NUP93: variants seen among roughly 807,000 people sequenced by gnomAD.
NUP93 encodes the protein nuclear pore complex protein Nup93.
Under a neutral mutation model 107.8 loss-of-function variants are expected in NUP93, and 55 were observed. The observed-to-expected ratio is 0.51, with a 90% CI of 0.41 to 0.64. The LOEUF is 0.64. NUP93 is among the 30% of genes least tolerant of loss of function. The pLI, the probability that NUP93 is intolerant of heterozygous loss-of-function variation, is 0.00. For synonymous variants in NUP93, 390 were observed against 397.5 expected, an observed-to-expected ratio of 0.98 and a Z score of 0.22; for missense variants, 937 against 1,044.7, an observed-to-expected ratio of 0.90 and a Z score of 1.42.
chr16:56,776,541 G>T (rs1459501236), intron 3 of NUP93, among the ~76,000 whole-genome samples: 1 of 152,116 alleles, frequency 6.6e-6, no homozygotes, highest in Admixed American at 6.5e-5. Context: ...CAGCTTCCCT[G>T]CTGAATTTAA....
rs1240831647 is a variant in NUP93 at position 56,833,323 on chromosome 16, T to C, written c.1454T>C (p.Leu485Pro). 4 of 1,607,342 alleles carry C rather than the reference T, an allele frequency of 2.5e-6. No individual in the cohort carries two copies. Among genetic ancestry groups the C allele is most frequent in the Non-Finnish European group, 2.5e-6 (3 of 1,177,730 alleles). ...AVAFLFRMER[L>P]RCHAVHVALV... Reference sequence around the variant, plus strand: ...GCCTTTCTTTTCCGCATGGAGCGGCTGCGCTGCCATGCTGTCCATGTAGCA... The same window carrying C: ...GCCTTTCTTTTCCGCATGGAGCGGCCGCGCTGCCATGCTGTCCATGTAGCA... The change falls in exon 13 of 22, where the codon CTG becomes CCG. Residue 485 changes from leucine to proline, a missense_variant. Coordinates refer to ENST00000308159, the MANE Select transcript of NUP93 (RefSeq NM_014669.5).
intron 2 of NUP93, among the ~76,000 whole-genome samples, chr16:56,749,514 C>G (rs1169076098): frequency 6.6e-6 from 1 of 152,190 alleles, no homozygotes; most frequent in Non-Finnish European, 1.5e-5. Flanking sequence ...CGGAAAGACA[C>G]TGAGATTCTG....
intron 3 of NUP93, among the ~76,000 whole-genome samples, chr16:56,770,339 A>G (rs1392706175): frequency 3.3e-5 from 5 of 152,190 alleles, no homozygotes; most frequent in Non-Finnish European, 7.4e-5. Context: ...AGAAGTCATC[A>G]TTGGTCACAA....
chr16:56,777,260 T>G (rs1335268865), intron 3 of NUP93, among the ~76,000 whole-genome samples: 4 of 152,204 alleles, frequency 2.6e-5, no homozygotes, highest in African/African-American at 4.8e-5. Context: ...AAATCTTACT[T>G]CTGAAATTTC....
chr16:56,730,470 C>G (rs1191086824), intron 1 of NUP93, among the ~76,000 whole-genome samples: 1 of 152,120 alleles, frequency 6.6e-6, no homozygotes, highest in East Asian at 1.9e-4. Context: ...CCTCCCGACT[C>G]CCCCTTCCCC....
At chr16:56,779,749 T>TA (rs1426655950) in intron 3 of NUP93, among the ~76,000 whole-genome samples, 1 of 152,192 alleles carries the variant, frequency 6.6e-6, no homozygotes, top group Non-Finnish European at 1.5e-5. Context: ...CATAAAGAAA[T>TA]ACCCTCTTAA....
At chr16:56,842,557 T>TC in intron 21 of NUP93, 2 of 86,486 alleles carry the variant, frequency 2.3e-5, no homozygotes, top group East Asian at 2.6e-3. Context: ...GGTGTTTGCT[T>TC]TTTTTTTTTT....
intron 20 of NUP93, 70 bp from the exon 21 acceptor site, chr16:56,841,635 C>T (rs1302196936): frequency 1.9e-6 from 3 of 1,578,596 alleles, no homozygotes; most frequent in East Asian, 4.5e-5. Context: ...AGCAGCCCAC[C>T]CTCCCTCCAT....
At chr16:56,786,349 T>G (rs1447298158) in intron 3 of NUP93, among the ~76,000 whole-genome samples, 1 of 152,198 alleles carries the variant, frequency 6.6e-6, no homozygotes, top group Non-Finnish European at 1.5e-5. Context: ...AGGTCATACA[T>G]CTGGAAAGCA....
chr16:56,824,399 C>T (rs1963614870), intron 8 of NUP93, among the ~76,000 whole-genome samples: 1 of 152,224 alleles, frequency 6.6e-6, no homozygotes, highest in African/African-American at 2.4e-5. Context: ...GGGTTTGTGG[C>T]AGTGCCTTTG....
intron 3 of NUP93, among the ~76,000 whole-genome samples, chr16:56,789,444 C>T (rs549014837): frequency 7.5e-4 from 114 of 152,320 alleles, no homozygotes; most frequent in Middle Eastern, 3.4e-3. Context: ...AAACCATGTA[C>T]AAAATGGGAC....
chr16:56,781,924 A>G (rs780835960), intron 3 of NUP93: 16 of 985,300 alleles, frequency 1.6e-5, no homozygotes, highest in Non-Finnish European at 1.9e-5. Flanking sequence ...CGGGGGCTGC[A>G]GTGCACCCTT....
At chr16:56,745,592 A>G (rs1208064411) in intron 1 of NUP93, among the ~76,000 whole-genome samples, 2 of 152,054 alleles carry the variant, frequency 1.3e-5, no homozygotes, top group East Asian at 1.9e-4. Flanking sequence ...CAGATTCTGG[A>G]TATATTTTGA....
At position 56,731,604 on chromosome 16, in the gene NUP93, C is replaced by T. The variant is rs912245097; in HGVS notation, c.-15+1393C>T. ...TGTATTTTTAGTAGAGACGGGATTT[C>T]ACCATGTTGGCCAGGCTGGTCTTGA... On this transcript the variant is annotated intron_variant, in intron 1 of 21. Transcript: ENST00000308159. 2.0e-5 allele frequency among the ~76,000 whole-genome samples: 3 copies of T among 152,092 alleles called. No homozygotes were observed. In the East Asian group the frequency reaches 5.8e-4, roughly 29 times the overall value.
At chr16:56,738,566 C>T (rs1206816557) in intron 1 of NUP93, among the ~76,000 whole-genome samples, 1 of 152,176 alleles carries the variant, frequency 6.6e-6, no homozygotes, top group Non-Finnish European at 1.5e-5. Context: ...GTCTCTTTTA[C>T]TTAGTCTCAC....
intron 3 of NUP93, among the ~76,000 whole-genome samples, chr16:56,769,794 A>C (rs76729986): frequency 0.21 from 32,127 of 152,142 alleles, 3,570 homozygotes; most frequent in Middle Eastern, 0.34. Context: ...GTAATACTGA[A>C]CTATTGATTG....
chr16:56,812,377 T>A (rs567803039), intron 5 of NUP93, among the ~76,000 whole-genome samples: 1 of 152,090 alleles, frequency 6.6e-6, no homozygotes, highest in Non-Finnish European at 1.5e-5. Context: ...AGAGTCTCGC[T>A]CTATTGCCCA....
chr16:56,770,760 G>A (rs1180455059), intron 3 of NUP93, among the ~76,000 whole-genome samples: 1 of 152,092 alleles, frequency 6.6e-6, no homozygotes, highest in Non-Finnish European at 1.5e-5. Flanking sequence ...GTTAGAAATA[G>A]ACTGTAAAAG....
At chr16:56,735,192 T>A (rs1182488276) in intron 1 of NUP93, among the ~76,000 whole-genome samples, 1 of 152,190 alleles carries the variant, frequency 6.6e-6, no homozygotes, top group African/African-American at 2.4e-5. Context: ...GTGGTAATAA[T>A]GATAGCTAAT....
Sources: allele counts gnomAD v4.1 joint callset (sites outside exome capture counted in the v4.1 genomes callset), GRCh38; gene constraint gnomAD v4.1.1; transcripts MANE v1.5; gene names NCBI Gene and HGNC (gene_info 2026-07-23, HGNC 2026-07-21).